The following MIPEP variants were observed in gnomAD, a reference collection of about 807,000 sequenced individuals.
The protein encoded by MIPEP is mitochondrial intermediate peptidase.
In MIPEP, 79 loss-of-function variants were observed where a neutral mutation model predicts 90.3. That is an observed-to-expected ratio of 0.87 (90% CI 0.73 to 1.05). MIPEP has a LOEUF of 1.05. Ranked by LOEUF, MIPEP falls within the 50% of genes least tolerant of loss-of-function variation. The pLI, the probability that MIPEP is intolerant of heterozygous loss-of-function variation, is 0.00. For synonymous variants in MIPEP, 334 were observed against 315.8 expected, an observed-to-expected ratio of 1.06 and a Z score of -0.61; for missense variants, 940 against 905.6, an observed-to-expected ratio of 1.04 and a Z score of -0.49.
intron 14 of MIPEP, among the ~76,000 whole-genome samples, chr13:23,813,001 C>A (rs1953191788): frequency 6.6e-6 from 1 of 151,866 alleles, no homozygotes; most frequent in South Asian, 2.1e-4. Flanking sequence ...AGTAAATGTT[C>A]TTTTTAAAAA....
At chr13:23,795,717 T>C (rs574395617) in intron 16 of MIPEP, among the ~76,000 whole-genome samples, 8 of 151,742 alleles carry the variant, frequency 5.3e-5, no homozygotes, top group African/African-American at 1.2e-4. Flanking sequence ...CTTTAAGATA[T>C]ACAGTTAAAA....
intron 1 of MIPEP, chr13:23,888,033 G>C: frequency 2.5e-6 from 1 of 404,860 alleles, no homozygotes; most frequent in Admixed American, 3.3e-5. Context: ...ACTGAATAAG[G>C]CTTTTTTTTT....
chr13:23,732,809 T>C (rs1040337831), intron 18 of MIPEP, among the ~76,000 whole-genome samples: 3 of 152,236 alleles, frequency 2.0e-5, no homozygotes, highest in African/African-American at 4.8e-5. Flanking sequence ...TCTGGTGTGA[T>C]GGTCATGTTC....
chr13:23,760,481 A>G, intron 16 of MIPEP: 1 of 647,356 alleles, frequency 1.5e-6, no homozygotes, highest in East Asian at 3.5e-5. Context: ...GCCTCCAAAG[A>G]CGTGATTAAG....
At chr13:23,806,571 G>A (rs575691205) in intron 15 of MIPEP, among the ~76,000 whole-genome samples, 4 of 152,026 alleles carry the variant, frequency 2.6e-5, no homozygotes, top group South Asian at 4.2e-4. Context: ...CCAGCTACTC[G>A]GGAGGCTGAG....
chr13:23,776,673 G>A (rs1408488460), intron 16 of MIPEP, among the ~76,000 whole-genome samples: 5 of 152,066 alleles, frequency 3.3e-5, no homozygotes, highest in African/African-American at 7.2e-5. Flanking sequence ...CATCTCTATC[G>A]GAAAAAGGTT....
chr13:23,876,260 C>T (rs1303115355), intron 4 of MIPEP, among the ~76,000 whole-genome samples: 2 of 152,214 alleles, frequency 1.3e-5, no homozygotes, highest in Non-Finnish European at 2.9e-5. Flanking sequence ...AGTTTTGCTT[C>T]ATTCTATCTT....
chr13:23,756,837 A>G, intron 17 of MIPEP: 2 of 552,184 alleles, frequency 3.6e-6, no homozygotes, highest in Non-Finnish European at 6.4e-6. Flanking sequence ...GTAAGAGGAT[A>G]ACTATACTTT....
Position 23,841,366 on chromosome 13 carries a change from C to G in MIPEP, c.1229G>C (p.Gly410Ala). The stretch of plus-strand genomic sequence containing the variant: ...TCGGACATCTTCGCTCCACACCTCT[C>G]CTTTTGCAGGCTGCTCTGCATATAA... ...ISLYAEQPAK[G>A]EVWSEDVRKL... Residue 410 changes from glycine to alanine, a missense_variant, in exon 11 of 19, where the codon GGA becomes GCA. Physicochemically the swap from Gly to Ala is moderately conservative, Grantham distance 60. Coordinates refer to ENST00000382172, the MANE Select transcript of MIPEP (RefSeq NM_005932.4). The G allele has an allele frequency of 6.2e-7, 1 of 1,613,680 alleles. No individual in the cohort carries two copies. The highest frequency in any genetic ancestry group is 8.5e-7 in the Non-Finnish European group (1 of 1,179,940).
chr13:23,874,077 G>A (rs1364842065), intron 5 of MIPEP, among the ~76,000 whole-genome samples: 2 of 152,162 alleles, frequency 1.3e-5, no homozygotes, highest in African/African-American at 4.8e-5. Context: ...ATAGGTAAGT[G>A]GTTTAATTCT....
At chr13:23,818,662 T>G (rs1263997189) in intron 14 of MIPEP, among the ~76,000 whole-genome samples, 1 of 152,192 alleles carries the variant, frequency 6.6e-6, no homozygotes, top group African/African-American at 2.4e-5. Flanking sequence ...TTTGCCTTAT[T>G]TGAACAAGGT....
chr13:23,768,314 A>G (rs1952613493), intron 16 of MIPEP, among the ~76,000 whole-genome samples: 1 of 152,188 alleles, frequency 6.6e-6, no homozygotes, highest in African/African-American at 2.4e-5. Flanking sequence ...GTAACTTTTA[A>G]CTTTGTTTCT....
rs568842347 is a variant in MIPEP at position 23,854,188 on chromosome 13, ATTT to A, written c.1106+4669_1106+4671del. 3.9e-3 allele frequency among the ~76,000 whole-genome samples: 441 copies of A among 114,160 alleles called. 3 individuals carry two copies. The highest frequency in any genetic ancestry group is 0.01 in the African/African-American group (321 of 31,230). 74.9% of individuals were successfully genotyped at this position (114,160 alleles called of 152,430 possible). ...AAAATACAAAAAATTAGCCAGGCTA[ATTT>A]TTTTTTTTTTTTTTTTTGTAGAATC... On this transcript the variant is annotated intron_variant, in intron 10 of 18. Transcript: ENST00000382172.
At chr13:23,758,884 T>G (rs145070251) in intron 17 of MIPEP, among the ~76,000 whole-genome samples, 1 of 152,338 alleles carries the variant, frequency 6.6e-6, no homozygotes, top group Non-Finnish European at 1.5e-5. Flanking sequence ...GTCCAGTTTT[T>G]AATGGTGAAG....
intron 16 of MIPEP, among the ~76,000 whole-genome samples, chr13:23,777,278 C>G (rs1244599273): frequency 6.6e-6 from 1 of 152,198 alleles, no homozygotes; most frequent in East Asian, 1.9e-4. Flanking sequence ...GTGCAAGTCT[C>G]TACTGATCTT....
intron 10 of MIPEP, among the ~76,000 whole-genome samples, chr13:23,849,051 C>T (rs1191426707): frequency 2.6e-5 from 4 of 152,214 alleles, no homozygotes; most frequent in Admixed American, 2.6e-4. Flanking sequence ...AAAACATGCA[C>T]AGAGGGTGTT....
At chr13:23,844,457 T>C (rs867631838) in intron 10 of MIPEP, among the ~76,000 whole-genome samples, 46 of 152,154 alleles carry the variant, frequency 3.0e-4, no homozygotes, top group African/African-American at 1.0e-3. Flanking sequence ...AGCAAACTGC[T>C]GCCCCCAAAA....
At chr13:23,761,616 C>T (rs898781266) in intron 16 of MIPEP, among the ~76,000 whole-genome samples, 2 of 152,168 alleles carry the variant, frequency 1.3e-5, no homozygotes, top group African/African-American at 4.8e-5. Flanking sequence ...ATCTCCATTC[C>T]AATTCATCAG....
intron 18 of MIPEP, among the ~76,000 whole-genome samples, chr13:23,737,607 A>G (rs549165488): frequency 1.3e-5 from 2 of 152,380 alleles, no homozygotes; most frequent in South Asian, 4.1e-4. Flanking sequence ...TTTGTAATAC[A>G]TAATGAACAT....
Sources: gnomAD v4.1 joint callset for allele counts (sites outside exome capture counted in the v4.1 genomes callset) on GRCh38, gnomAD v4.1.1 for gene constraint, MANE v1.5 for transcripts, NCBI Gene and HGNC (gene_info 2026-07-23, HGNC 2026-07-21) for gene names.